Variants in ICA1 observed in about 807,000 individuals in gnomAD.
The protein encoded by ICA1 is 69 kDa islet cell autoantigen.
ICA1 carries 40 observed loss-of-function variants against 71.0 expected under a neutral mutation model. That is an observed-to-expected ratio of 0.56 (90% CI 0.44 to 0.73). ICA1 has a LOEUF of 0.73. Among genes scored for constraint, ICA1 ranks in the 30% least tolerant of loss-of-function variants. The pLI, the probability that ICA1 is intolerant of heterozygous loss-of-function variation, is 0.00. For missense variants in ICA1, 578 were observed against 576.5 expected (o/e 1.00, Z -0.03); for synonymous variants, 207 against 209.5 (o/e 0.99, Z 0.10).
chr7:8,137,434 G>A (rs1463112363), intron 12 of ICA1, among the ~76,000 whole-genome samples: 5 of 152,138 alleles, frequency 3.3e-5, no homozygotes, highest in Non-Finnish European at 7.4e-5. Flanking sequence ...ACTGGGTGGT[G>A]GGTACCTAGG....
chr7:8,121,378 G>A (rs1173167195), intron 13 of ICA1, among the ~76,000 whole-genome samples: 1 of 152,148 alleles, frequency 6.6e-6, no homozygotes, highest in Non-Finnish European at 1.5e-5. Flanking sequence ...CATAAATATG[G>A]GACCTGTTCC....
chr7:8,120,221 A>G lies in ICA1; in HGVS notation c.1331-6177T>C, dbSNP rs148760655. Among the ~76,000 whole-genome samples, 877 of 152,358 alleles carry G rather than the reference A, an allele frequency of 5.8e-3. 2 individuals are homozygous for G. The highest frequency in any genetic ancestry group is 0.02 in the African/African-American group (846 of 41,582). On this transcript the variant is annotated intron_variant, in intron 13 of 13. Transcript: ENST00000402384. ...AACAACAGCCAGTTTGCCAAGTCAC[A>G]TTCTTTTCTCCGAACAATTATTAAG...
intron 4 of ICA1, 122 bp from the exon 5 acceptor site, chr7:8,221,520 T>C: frequency 8.8e-7 from 1 of 1,134,508 alleles, no homozygotes; most frequent in African/African-American, 1.6e-5. Flanking sequence ...AAATTAAATC[T>C]AAGCGGCAGG....
At chr7:8,238,490 T>C (rs1258727055) in intron 1 of ICA1, among the ~76,000 whole-genome samples, 1 of 152,184 alleles carries the variant, frequency 6.6e-6, no homozygotes, top group Non-Finnish European at 1.5e-5. Context: ...ATTTTGTTAT[T>C]GACCCAACTT....
chr7:8,138,470 C>G lies in ICA1; in HGVS notation c.1060+370G>C, dbSNP rs531861551. Among the ~76,000 whole-genome samples, 291 of 152,246 alleles carry G rather than the reference C, an allele frequency of 1.9e-3. 1 individual carries two copies. The highest frequency in any genetic ancestry group is 6.5e-3 in the African/African-American group (270 of 41,550). ...TTTCCATTTTACAAATGAGAATAAC[C>G]CAGGCTTAGAGAGTTTAAGTATGAA... On this transcript the variant is annotated intron_variant, in intron 12 of 13. Coordinates refer to ENST00000402384, the MANE Select transcript of ICA1 (RefSeq NM_001136020.3).
chr7:8,120,926 G>A (rs1330218854), intron 13 of ICA1, among the ~76,000 whole-genome samples: 4 of 152,222 alleles, frequency 2.6e-5, no homozygotes, highest in South Asian at 2.1e-4. Flanking sequence ...AGAGCTCTGC[G>A]GTGGGGCTGC....
chr7:8,247,678 T>C (rs1023668655), intron 1 of ICA1, among the ~76,000 whole-genome samples: 2 of 152,162 alleles, frequency 1.3e-5, no homozygotes, highest in African/African-American at 4.8e-5. Flanking sequence ...CAGATTCTTC[T>C]CCTTGGAAAT....
At chr7:8,212,052 C>T (rs539614553) in intron 6 of ICA1, among the ~76,000 whole-genome samples, 2 of 152,250 alleles carry the variant, frequency 1.3e-5, no homozygotes, top group South Asian at 2.1e-4. Context: ...CCAAAGGCTC[C>T]TCTTTGAAAG....
chr7:8,189,753 C>T (rs1784987835), intron 6 of ICA1, among the ~76,000 whole-genome samples: 1 of 149,292 alleles, frequency 6.7e-6, no homozygotes, highest in Non-Finnish European at 1.5e-5. Context: ...CTCCCTTGAG[C>T]AGACCAGGAG....
At chr7:8,156,833 A>G (rs1272865564) in intron 8 of ICA1, 1 of 1,485,174 alleles carries the variant, frequency 6.7e-7, no homozygotes, top group Non-Finnish European at 8.9e-7. Flanking sequence ...CAAGTTCACC[A>G]CAATTCATCT....
intron 6 of ICA1, among the ~76,000 whole-genome samples, chr7:8,162,975 G>A (rs896799498): frequency 1.3e-5 from 2 of 152,198 alleles, no homozygotes; most frequent in African/African-American, 2.4e-5. Context: ...TGTTGGCCAG[G>A]CTGGTCTTGA....
In ICA1 at chr7:8,123,853, T is replaced by C. The variant is rs1787979580; in HGVS notation, c.1330+4020A>G. Among the ~76,000 whole-genome samples the C allele has an allele frequency of 6.6e-6, 1 of 152,228 alleles. No individual in the cohort carries two copies. Among genetic ancestry groups the C allele is most frequent in the African/African-American group, 2.4e-5 (1 of 41,462 alleles). ...AGGGAATGGTGAAAGGCATGGATTCTGGAGTCCGGCTGCCTGGGCTCAAAA... is the reference window on the plus strand; with the variant it reads ...AGGGAATGGTGAAAGGCATGGATTCCGGAGTCCGGCTGCCTGGGCTCAAAA... On this transcript the variant is annotated intron_variant, in intron 13 of 13. Coordinates refer to ENST00000402384, the MANE Select transcript of ICA1 (RefSeq NM_001136020.3). The surrounding 1 kb of genome is among the most constrained non-coding windows in gnomAD (Gnocchi z 4.1).
At chr7:8,163,848 C>G (rs1174054316) in intron 6 of ICA1, among the ~76,000 whole-genome samples, 1 of 152,172 alleles carries the variant, frequency 6.6e-6, no homozygotes, top group Non-Finnish European at 1.5e-5. Context: ...GGGGCACATC[C>G]TGGAGCAGCA....
intron 1 of ICA1, among the ~76,000 whole-genome samples, chr7:8,254,972 C>T (rs942773640): frequency 6.6e-6 from 1 of 152,136 alleles, no homozygotes; most frequent in African/African-American, 2.4e-5. Context: ...CTGCGCTGGG[C>T]ACCTTCTGTC....
chr7:8,246,152 T>C (rs1805921112), intron 1 of ICA1, among the ~76,000 whole-genome samples: 1 of 152,156 alleles, frequency 6.6e-6, no homozygotes, highest in Non-Finnish European at 1.5e-5. Flanking sequence ...CATCTTACCT[T>C]GGGAGATAAG....
chr7:8,229,144 T>G (rs1022192782), intron 3 of ICA1, among the ~76,000 whole-genome samples: 2 of 152,190 alleles, frequency 1.3e-5, no homozygotes, highest in Non-Finnish European at 2.9e-5. Flanking sequence ...TATGGCATGC[T>G]TAAACAACTG....
intron 13 of ICA1, 27 bp downstream of exon 13, chr7:8,127,846 C>A (rs201337773): frequency 1.3e-6 from 2 of 1,560,706 alleles, no homozygotes; most frequent in Non-Finnish European, 1.7e-6. Context: ...AAACAAAAAA[C>A]CCCATTTCAA....
At chr7:8,125,600 C>T (rs911517190) in intron 13 of ICA1, among the ~76,000 whole-genome samples, 5 of 152,300 alleles carry the variant, frequency 3.3e-5, no homozygotes, top group Admixed American at 6.5e-5. Flanking sequence ...GCCTACTATG[C>T]GATTTGCTTA....
At chr7:8,156,182 T>C (rs1292439040) in intron 8 of ICA1, among the ~76,000 whole-genome samples, 3 of 152,352 alleles carry the variant, frequency 2.0e-5, no homozygotes, top group Middle Eastern at 3.4e-3. Context: ...CTTAAAGCAT[T>C]TTTTGGTACT....
Sources: allele counts gnomAD v4.1 joint callset (sites outside exome capture counted in the v4.1 genomes callset), GRCh38; gene constraint gnomAD v4.1.1; non-coding constraint Gnocchi (gnomAD v3.1); transcripts MANE v1.5; gene names NCBI Gene and HGNC (gene_info 2026-07-23, HGNC 2026-07-21).